USH2A: variants seen among roughly 807,000 people sequenced by gnomAD.
USH2A encodes the protein usherin.
In USH2A, 443 loss-of-function variants were observed where a neutral mutation model predicts 538.9. The observed-to-expected ratio is 0.82, with a 90% CI of 0.76 to 0.89. USH2A has a LOEUF of 0.89. Among genes scored for constraint, USH2A ranks in the 40% least tolerant of loss-of-function variants. The pLI is 0.00. For missense variants in USH2A, 6,633 were observed against 6,324.8 expected (o/e 1.05, Z -1.65); for synonymous variants, 2,413 against 2,273.5 (o/e 1.06, Z -1.75).
chr1:216,244,210 A>T (rs1395771692), intron 13 of USH2A, among the ~76,000 whole-genome samples: 2 of 152,168 alleles, frequency 1.3e-5, no homozygotes, highest in African/African-American at 4.8e-5. Flanking sequence ...GAACCAAAGC[A>T]TCAGGTAGAT....
At chr1:215,978,870 T>G (rs1667682668) in intron 35 of USH2A, among the ~76,000 whole-genome samples, 1 of 152,204 alleles carries the variant, frequency 6.6e-6, no homozygotes, top group African/African-American at 2.4e-5. Context: ...ATGCTTCTGG[T>G]GAGGAAAATG....
At chr1:215,827,622 C>A (rs185428127) in intron 47 of USH2A, among the ~76,000 whole-genome samples, 5 of 152,216 alleles carry the variant, frequency 3.3e-5, no homozygotes. Flanking sequence ...GCCATGGTGA[C>A]CATAAGGCTA....
At chr1:215,830,683 T>A (rs550169246) in intron 47 of USH2A, among the ~76,000 whole-genome samples, 6 of 152,300 alleles carry the variant, frequency 3.9e-5, no homozygotes, top group African/African-American at 1.4e-4. Context: ...AACTCCAAGC[T>A]GCACATTTAT....
At chr1:215,877,618 T>C (rs1571772414) in intron 43 of USH2A, 140 bp downstream of exon 43, 1 of 1,297,602 alleles carries the variant, frequency 7.7e-7, no homozygotes, top group Non-Finnish European at 1.1e-6. Context: ...GGGTGATTAA[T>C]GCCACAGATA....
intron 38 of USH2A, among the ~76,000 whole-genome samples, chr1:215,914,449 C>T (rs527726629): frequency 7.0e-4 from 107 of 152,124 alleles, no homozygotes; most frequent in East Asian, 3.3e-3. Flanking sequence ...CTAAAAATAA[C>T]TATGTACAGT....
At chr1:216,114,177 G>T (rs1016350690) in intron 21 of USH2A, among the ~76,000 whole-genome samples, 1 of 151,496 alleles carries the variant, frequency 6.6e-6, no homozygotes, top group Non-Finnish European at 1.5e-5. Flanking sequence ...TTTCAGATTT[G>T]TTATTGCTGA....
rs34596189 is a variant in USH2A, at chr1:216,200,043, C to T, written c.3395G>A (p.Gly1132Asp). Residue 1132 changes from glycine (G) to aspartate (D), a missense_variant, in exon 17 of 72, where the codon GGT becomes GAT. Physicochemically the swap from Gly to Asp is moderately conservative, Grantham distance 94. Transcript: ENST00000307340. Reference sequence around the variant, plus strand: ...AGTGACAGCTACACTCCTTGTTGAACCATGCACATTGGTGGTCTCAATGTA... The same window carrying T: ...AGTGACAGCTACACTCCTTGTTGAATCATGCACATTGGTGGTCTCAATGTA... ...SYYIETTNVH[G>D]STRSVAVTYK... 598 of 1,613,854 alleles carry T rather than the reference C, an allele frequency of 3.7e-4. 2 individuals are homozygous for T. In the African/African-American group the frequency reaches 6.9e-3, roughly 19 times the overall value.
chr1:216,146,456 G>T (rs1165882674), intron 21 of USH2A, among the ~76,000 whole-genome samples: 1 of 152,150 alleles, frequency 6.6e-6, no homozygotes, highest in African/African-American at 2.4e-5. Flanking sequence ...CACGTTTCAA[G>T]GGTGTCAGAC....
intron 61 of USH2A, among the ~76,000 whole-genome samples, chr1:215,718,304 G>A (rs538931901): frequency 6.6e-6 from 1 of 152,254 alleles, no homozygotes; most frequent in African/African-American, 2.4e-5. Context: ...TCTTTTCACT[G>A]TTCGGCATAA....
At chr1:215,943,702 A>C (rs886386134) in intron 37 of USH2A, among the ~76,000 whole-genome samples, 1 of 152,088 alleles carries the variant, frequency 6.6e-6, no homozygotes, top group Admixed American at 6.6e-5. Flanking sequence ...GTAGAGTGAT[A>C]ATTTTCCAAG....
chr1:215,864,408 T>C (rs1205042962), intron 44 of USH2A, among the ~76,000 whole-genome samples: 1 of 152,172 alleles, frequency 6.6e-6, no homozygotes, highest in African/African-American at 2.4e-5. Context: ...CTTTGGTGTA[T>C]TTTGTTTAGG....
At chr1:216,002,761 G>T (rs573359780) in intron 32 of USH2A, among the ~76,000 whole-genome samples, 1 of 152,216 alleles carries the variant, frequency 6.6e-6, no homozygotes, top group Non-Finnish European at 1.5e-5. Context: ...TACCCAACTT[G>T]TAGGTGGTGA....
chr1:215,729,659 C>T (rs908700275), intron 60 of USH2A, among the ~76,000 whole-genome samples: 2 of 152,118 alleles, frequency 1.3e-5, no homozygotes. Context: ...GAGACTGGGT[C>T]TCACTCTGTC....
At chr1:215,907,271 A>G (rs1190369471) in intron 38 of USH2A, among the ~76,000 whole-genome samples, 2 of 151,968 alleles carry the variant, frequency 1.3e-5, no homozygotes, top group Non-Finnish European at 2.9e-5. Flanking sequence ...ATGGTTGGTC[A>G]TGCTAACAAC....
chr1:215,667,973 T>C (rs1356172228), intron 64 of USH2A, among the ~76,000 whole-genome samples: 2 of 152,182 alleles, frequency 1.3e-5, no homozygotes, highest in African/African-American at 4.8e-5. Flanking sequence ...AGGCACACCA[T>C]GTGGGTGGCA....
At chr1:215,860,600 T>TA (rs531846225) in intron 44 of USH2A, among the ~76,000 whole-genome samples, 1 of 152,178 alleles carries the variant, frequency 6.6e-6, no homozygotes, top group South Asian at 2.1e-4. Flanking sequence ...CATGCTTATT[T>TA]AAAAATCAGA....
At chr1:216,182,245 T>C (rs1018905650) in intron 20 of USH2A, among the ~76,000 whole-genome samples, 5 of 152,040 alleles carry the variant, frequency 3.3e-5, no homozygotes, top group African/African-American at 1.2e-4. Flanking sequence ...TCCTTGCAGT[T>C]TTTTAGGGCG....
chr1:215,646,034 G>T (rs1571927511), intron 67 of USH2A, among the ~76,000 whole-genome samples: 1 of 151,766 alleles, frequency 6.6e-6, no homozygotes, highest in South Asian at 2.1e-4. Flanking sequence ...ATACAATAAC[G>T]TCAAGTATAA....
At chr1:216,174,029 G>T in intron 21 of USH2A, 13 of 984,774 alleles carry the variant, frequency 1.3e-5, no homozygotes, top group Non-Finnish European at 1.6e-5. Context: ...CAATGATTTT[G>T]ATGTACTGAG....
Sources: gnomAD v4.1 joint callset for allele counts (sites outside exome capture counted in the v4.1 genomes callset) on GRCh38, gnomAD v4.1.1 for gene constraint, MANE v1.5 for transcripts, NCBI Gene and HGNC (gene_info 2026-07-23, HGNC 2026-07-21) for gene names.